RNF103: variants seen among roughly 807,000 people sequenced by gnomAD.
The protein encoded by RNF103 is E3 ubiquitin-protein ligase RNF103.
In RNF103, 23 loss-of-function variants were observed where a neutral mutation model predicts 66.2. The observed-to-expected ratio is 0.35, with a 90% CI of 0.25 to 0.49. The LOEUF (loss-of-function observed/expected upper bound fraction) is 0.49, where lower values mean the gene tolerates loss of function less well. RNF103 is among the 20% of genes least tolerant of loss of function. The pLI is 0.98. For missense variants in RNF103, 730 were observed against 814.7 expected, an observed-to-expected ratio of 0.90 and a Z score of 1.27; for synonymous variants, 297 against 289.9, an observed-to-expected ratio of 1.02 and a Z score of -0.25.
In RNF103 at chr2:86,604,815, T is replaced by C. The variant is rs1318521573; in HGVS notation, c.1086A>G (p.Thr362=). The C allele has an allele frequency of 3.1e-6, 5 of 1,614,156 alleles. No individual in the cohort carries two copies. Among genetic ancestry groups the C allele is most frequent in the East Asian group, 4.5e-5 (2 of 44,872 alleles). ...AGGAAATAATTAATAGAGAATTATA[T>C]GTCCCTAAAGTGCTTATGAGAACCA... The part of the protein sequence containing the change: ...RFVVLISTLG[T]YNSLLIISWL... Residue 362 remains threonine (T), a synonymous_variant, in exon 4 of 4, where the codon ACA becomes ACG. Coordinates refer to ENST00000237455, the MANE Select transcript of RNF103 (RefSeq NM_005667.4).
At chr2:86,607,097 A>G (rs2104209030) in intron 3 of RNF103, among the ~76,000 whole-genome samples, 1 of 152,232 alleles carries the variant, frequency 6.6e-6, no homozygotes, top group East Asian at 1.9e-4. Context: ...TACCATGTGA[A>G]ATTTTTAAGT....
At chr2:86,606,684 A>AG (rs1246102886) in intron 3 of RNF103, among the ~76,000 whole-genome samples, 2 of 148,820 alleles carry the variant, frequency 1.3e-5, no homozygotes, top group African/African-American at 2.4e-5. Context: ...AAAAAAAAAA[A>AG]AAAGAAAGAA....
intron 2 of RNF103, among the ~76,000 whole-genome samples, chr2:86,618,954 T>A (rs1213271359): frequency 6.6e-6 from 1 of 152,180 alleles, no homozygotes; most frequent in South Asian, 2.1e-4. Flanking sequence ...TTCTCTCCCA[T>A]TGCTGAACTT....
At chr2:86,620,536 C>G in intron 1 of RNF103, 67 bp from the exon 2 acceptor site, 8 of 1,437,952 alleles carry the variant, frequency 5.6e-6, no homozygotes, top group Non-Finnish European at 7.4e-6. Context: ...TTCAGTAATT[C>G]TATTTTTTAC....
intron 1 of RNF103, among the ~76,000 whole-genome samples, chr2:86,622,358 A>G (rs1558689823): frequency 6.6e-6 from 1 of 152,240 alleles, no homozygotes; most frequent in Non-Finnish European, 1.5e-5. Context: ...GTTTGTAACT[A>G]GTTGATATTC....
rs1198978543 is a variant in RNF103 at position 86,623,474 on chromosome 2, A to C, written c.-588T>G. On this transcript the variant is annotated 5_prime_UTR_variant, in exon 1 of 4. Coordinates refer to ENST00000237455, the MANE Select transcript of RNF103 (RefSeq NM_005667.4). ...CTGCGCGGGGAGGAGCGGCCGCCGC[A>C]ACGCCGCGCCCGAAGCCCAGGCCCC... is the stretch of plus-strand genomic sequence containing the variant. The C allele has an allele frequency of 2.0e-6, 2 of 982,032 alleles. No individual in the cohort carries two copies. Among genetic ancestry groups the C allele is most frequent in the Non-Finnish European group, 2.4e-6 (2 of 828,748 alleles). The allele number at this position is 982,032 out of a possible 1,614,324, so 60.8% of individuals were successfully genotyped here. A position where few individuals can be genotyped will look rare whatever the true frequency, so the allele number is the denominator to read the frequency against.
At chr2:86,611,048 TG>T (rs1201279377) in intron 3 of RNF103, among the ~76,000 whole-genome samples, 2 of 151,016 alleles carry the variant, frequency 1.3e-5, no homozygotes, top group African/African-American at 4.9e-5. Context: ...TGGTGATGCA[TG>T]CATGTAGTCC....
Position 86,612,160 on chromosome 2 carries a change from T to A in RNF103, c.481A>T (p.Arg161Ter). The A allele has an allele frequency of 6.2e-7, 1 of 1,602,372 alleles. No homozygotes were observed. Among genetic ancestry groups the A allele is most frequent in the Non-Finnish European group, 8.5e-7 (1 of 1,173,376 alleles). Residue 161 changes from arginine to a stop codon, truncating the protein, a stop_gained and splice_region_variant, in exon 3 of 4, where the codon AGA (arginine) becomes TGA (stop). Coordinates refer to ENST00000237455, the MANE Select transcript of RNF103 (RefSeq NM_005667.4). LOFTEE classifies it high-confidence loss of function. ...TGTFNCSSDP[R>*]YCRRRGWVRS... ...CTAAGAATTGCCTAATCAACTTACC[T>A]GGGATCACTGGAACAGTTAAATGTG...
At chr2:86,618,987 C>A (rs1012062112) in intron 2 of RNF103, among the ~76,000 whole-genome samples, 3 of 152,110 alleles carry the variant, frequency 2.0e-5, no homozygotes, top group South Asian at 2.1e-4. Flanking sequence ...ATTAGATTAT[C>A]CGGAAGGTAA....
At chr2:86,618,717 G>T (rs1452887580) in intron 2 of RNF103, 1 of 152,038 alleles carries the variant, frequency 6.6e-6, no homozygotes, top group African/African-American at 2.4e-5. Flanking sequence ...CAGGGCAGTG[G>T]GACTGGCTAT....
In RNF103 at chr2:86,603,824, A is replaced by C. The variant is rs1489422822; in HGVS notation, c.*19T>G. 6 of 1,587,062 alleles carry C rather than the reference A, an allele frequency of 3.8e-6. No homozygotes were observed. In the South Asian group the frequency reaches 6.9e-5, roughly 18 times the overall value. On this transcript the variant is annotated 3_prime_UTR_variant, in exon 4 of 4. Coordinates refer to ENST00000237455, the MANE Select transcript of RNF103 (RefSeq NM_005667.4). ...AGCTGTAAGATACTCAAAGCTTATAAAGGACAAATTGCACATGGTTAAGAT... is the reference window on the plus strand; with the variant it reads ...AGCTGTAAGATACTCAAAGCTTATACAGGACAAATTGCACATGGTTAAGAT...
In RNF103 at chr2:86,604,614, T is replaced by A; in HGVS notation, c.1287A>T (p.Leu429Phe). Reference protein sequence around the residue: ...LFLSTYLGHGLLIDYFEKKRR... With the variant: ...LFLSTYLGHGFLIDYFEKKRR... ...TCTTCTTCTCAAAGTAATCAATTAG[T>A]AAACCATGACCAAGGTATGTACTGA... The change falls in exon 4 of 4, where the codon TTA becomes TTT. Residue 429 changes from leucine to phenylalanine, a missense_variant. Physicochemically the swap from Leu to Phe is conservative, Grantham distance 22 (BLOSUM62 0). Transcript: ENST00000237455. 18 of 1,614,174 alleles carry A rather than the reference T, an allele frequency of 1.1e-5. No individual in the cohort carries two copies. The highest frequency in any genetic ancestry group is 1.5e-5 in the Non-Finnish European group (18 of 1,180,032).
At chr2:86,619,886 G>C (rs1286498558) in intron 2 of RNF103, among the ~76,000 whole-genome samples, 1 of 152,116 alleles carries the variant, frequency 6.6e-6, no homozygotes, top group East Asian at 1.9e-4. Flanking sequence ...TAGTCACAAA[G>C]TTGGCTATTT....
intron 1 of RNF103, among the ~76,000 whole-genome samples, chr2:86,621,305 A>C (rs1187163362): frequency 6.6e-6 from 1 of 152,206 alleles, no homozygotes; most frequent in African/African-American, 2.4e-5. Flanking sequence ...AATAAATAAC[A>C]GTCAAAAGAA....
In RNF103 at chr2:86,603,544, T is replaced by C. The variant is rs975169807; in HGVS notation, c.*299A>G. ...AAACCGGCTCAATTCCATTAGAATTTGATCCTATCTTGTAAAGTCTTGCTA... is the reference window on the plus strand; with the variant it reads ...AAACCGGCTCAATTCCATTAGAATTCGATCCTATCTTGTAAAGTCTTGCTA... On this transcript the variant is annotated 3_prime_UTR_variant, in exon 4 of 4. Coordinates refer to ENST00000237455, the MANE Select transcript of RNF103 (RefSeq NM_005667.4). 4 of 328,044 alleles carry C rather than the reference T, an allele frequency of 1.2e-5. No individual in the cohort carries two copies. Among genetic ancestry groups the C allele is most frequent in the Non-Finnish European group, 2.2e-5 (4 of 180,802 alleles). The allele number at this position is 328,044 out of a possible 1,614,324, so 20.3% of individuals were successfully genotyped here. A position where few individuals can be genotyped will look rare whatever the true frequency, so the allele number is the denominator to read the frequency against.
chr2:86,606,184 T>G (rs533706082), intron 3 of RNF103, among the ~76,000 whole-genome samples: 11,740 of 152,236 alleles, frequency 0.077, 492 homozygotes, highest in African/African-American at 0.087. Flanking sequence ...ACTTCAAGAA[T>G]GATCCCCATT....
At chr2:86,607,331 C>T (rs547082645) in intron 3 of RNF103, among the ~76,000 whole-genome samples, 9 of 152,178 alleles carry the variant, frequency 5.9e-5, no homozygotes, top group South Asian at 2.1e-4. Context: ...AGAGTCTTGA[C>T]GTAGGTAGCA....
At chr2:86,617,408 G>T in intron 2 of RNF103, 2 of 595,868 alleles carry the variant, frequency 3.4e-6, no homozygotes, top group Non-Finnish European at 4.2e-6. Context: ...TTCGGAGAGA[G>T]AGACACCACA....
chr2:86,605,027 T>G lies in RNF103; in HGVS notation c.874A>C (p.Thr292Pro). ...IYNMPSYILR[T>P]PEGIYRYGNH... Reference sequence around the variant, plus strand: ...CCATACCTGTAAATTCCTTCAGGAGTTCTAAGTATGTATGATGGCATATTA... The same window carrying G: ...CCATACCTGTAAATTCCTTCAGGAGGTCTAAGTATGTATGATGGCATATTA... The change falls in exon 4 of 4, where the codon ACT (threonine) becomes CCT (proline). Residue 292 changes from threonine to proline, a missense_variant. Thr to Pro is a conservative substitution (Grantham distance 38, BLOSUM62 -1). This residue lies in a region of RNF103 where 327 missense variants were observed against 369.8 expected (regional missense o/e 0.88). Coordinates refer to ENST00000237455, the MANE Select transcript of RNF103 (RefSeq NM_005667.4). 6.2e-7 allele frequency: 1 copy of G among 1,613,750 alleles called. No individual in the cohort carries two copies. Among genetic ancestry groups the G allele is most frequent in the Non-Finnish European group, 8.5e-7 (1 of 1,179,990 alleles).
Sources: allele counts gnomAD v4.1 joint callset (sites outside exome capture counted in the v4.1 genomes callset), GRCh38; gene constraint gnomAD v4.1.1; regional missense constraint gnomAD v4.1.1; transcripts MANE v1.5; gene names NCBI Gene and HGNC (gene_info 2026-07-23, HGNC 2026-07-21).